CDH22: variants seen among roughly 807,000 people sequenced by gnomAD.
The protein encoded by CDH22 is cadherin 22.
Under a neutral mutation model 58.4 loss-of-function variants are expected in CDH22, and 30 were observed. The ratio of observed to expected loss-of-function variants is 0.51; its 90% CI spans 0.38 to 0.70. The LOEUF is 0.70. CDH22 is among the 30% of genes least tolerant of loss of function. CDH22 has a pLI of 0.00. For synonymous variants in CDH22, 513 were observed against 558.2 expected (o/e 0.92, Z 1.14); for missense variants, 1,014 against 1,233.9 (o/e 0.82, Z 2.67).
chr20:46,213,373 T>G (rs938623565), intron 5 of CDH22, among the ~76,000 whole-genome samples, 185 bp from the exon 6 acceptor site: 5 of 152,180 alleles, frequency 3.3e-5, no homozygotes, highest in Admixed American at 1.3e-4. Context: ...TGGGTGGCAG[T>G]GCAAAAGGAG....
intron 7 of CDH22, among the ~76,000 whole-genome samples, chr20:46,204,636 A>G (rs1210816879): frequency 6.6e-6 from 1 of 152,144 alleles, no homozygotes; most frequent in Non-Finnish European, 1.5e-5. Context: ...GAAGCCAGGT[A>G]TCTTGCCCTG....
chr20:46,189,216 C>G (rs2085846997), intron 8 of CDH22, among the ~76,000 whole-genome samples: 1 of 152,186 alleles, frequency 6.6e-6, no homozygotes, highest in South Asian at 2.1e-4. Flanking sequence ...ATCTTCTAAG[C>G]TCACCAGATC....
rs1191055789 is a variant in CDH22, at chr20:46,181,752, CTTCT to C, written c.1664-3559_1664-3556del. On this transcript the variant is annotated intron_variant, in intron 10 of 11. Coordinates refer to ENST00000537909, the MANE Select transcript of CDH22 (RefSeq NM_021248.3). The stretch of plus-strand genomic sequence containing the variant: ...CCTTCCTTCCTTCCTTCCTTCCTTC[CTTCT>C]TTCTTTCTTTCTTTCTTTCTTTCTT... 8.6e-3 allele frequency among the ~76,000 whole-genome samples: 225 copies of C among 26,238 alleles called. 2 individuals are homozygous for C. Among genetic ancestry groups the C allele is most frequent in the African/African-American group, 0.018 (139 of 7,828 alleles). The allele number at this position is 26,238 out of a possible 152,430, so 17.2% of individuals were successfully genotyped here. A position where few individuals can be genotyped will look rare whatever the true frequency, so the allele number is the denominator to read the frequency against.
At chr20:46,232,655 A>G (rs1395348787) in intron 3 of CDH22, among the ~76,000 whole-genome samples, 1 of 152,152 alleles carries the variant, frequency 6.6e-6, no homozygotes, top group Non-Finnish European at 1.5e-5. Context: ...TGCTGCTGCC[A>G]GCACTGTGCA....
chr20:46,227,594 G>A lies in CDH22; in HGVS notation c.584C>T (p.Ala195Val), dbSNP rs1284622908. The change falls in exon 4 of 12, where the codon GCG becomes GTG. Residue 195 changes from alanine (A) to valine (V), a missense_variant. Coordinates refer to ENST00000537909, the MANE Select transcript of CDH22 (RefSeq NM_021248.3). ...TSVMQVMASD[A>V]DDPTYGSSAR... The stretch of plus-strand genomic sequence containing the variant: ...GCTGCTGCCGTACGTGGGGTCATCC[G>A]CATCCGAGGCCATCACCTGCATCAC... The A allele has an allele frequency of 1.2e-6, 2 of 1,612,850 alleles. No individual in the cohort carries two copies. The highest frequency in any genetic ancestry group is 1.7e-6 in the Non-Finnish European group (2 of 1,179,722).
chr20:46,248,668 C>T (rs894383950), intron 2 of CDH22, among the ~76,000 whole-genome samples: 4 of 152,068 alleles, frequency 2.6e-5, no homozygotes, highest in Non-Finnish European at 4.4e-5. Context: ...ACTAAAAATA[C>T]AAAAATTAGC....
At chr20:46,271,479 CCCCTT>C (rs1436006200) in intron 1 of CDH22, among the ~76,000 whole-genome samples, 2 of 152,086 alleles carry the variant, frequency 1.3e-5, no homozygotes, top group African/African-American at 2.4e-5. Flanking sequence ...TACTCCCCAA[CCCCTT>C]CCCTTAATAG....
At chr20:46,266,029 GTC>G (rs145850923) in intron 1 of CDH22, among the ~76,000 whole-genome samples, 11,972 of 150,562 alleles carry the variant, frequency 0.08, 756 homozygotes, top group East Asian at 0.25. Context: ...CCCCCTCTGG[GTC>G]TCTCTCTCTC....
chr20:46,211,622 G>A (rs1241001075), intron 6 of CDH22, among the ~76,000 whole-genome samples: 1 of 152,188 alleles, frequency 6.6e-6, no homozygotes, highest in Non-Finnish European at 1.5e-5. Flanking sequence ...GGGAGATTAA[G>A]CAGCCCAGGG....
chr20:46,257,128 C>CA (rs1373538767), intron 1 of CDH22, among the ~76,000 whole-genome samples: 1 of 150,774 alleles, frequency 6.6e-6, no homozygotes, highest in African/African-American at 2.4e-5. Flanking sequence ...GGGAACATGG[C>CA]AAAACCCTGT....
At chr20:46,252,167 C>A (rs1247197327) in intron 1 of CDH22, among the ~76,000 whole-genome samples, 1 of 152,064 alleles carries the variant, frequency 6.6e-6, no homozygotes, top group African/African-American at 2.4e-5. Flanking sequence ...AATATGCCTG[C>A]CTTCCTATCC....
chr20:46,212,230 A>T (rs929765344), intron 6 of CDH22, among the ~76,000 whole-genome samples: 5 of 152,214 alleles, frequency 3.3e-5, no homozygotes, highest in African/African-American at 1.2e-4. Flanking sequence ...GGGAGGAAGA[A>T]GAGCTGGACA....
rs199806283 is a variant in CDH22, at chr20:46,225,495, AT to A, written c.670+2012del. Among the ~76,000 whole-genome samples the A allele has an allele frequency of 5.2e-3, 788 of 152,150 alleles. 13 individuals are homozygous for A. Among genetic ancestry groups the A allele is most frequent in the East Asian group, 0.02 (104 of 5,182 alleles). The stretch of plus-strand genomic sequence containing the variant: ...TATAGCTACCATTCATGTAAAAAAA[AT>A]AAATACATGTACCTTATTTTCTTGT... On this transcript the variant is annotated intron_variant, in intron 4 of 11. Transcript: ENST00000537909.
chr20:46,230,895 A>G (rs978008129), intron 3 of CDH22, among the ~76,000 whole-genome samples: 1 of 152,214 alleles, frequency 6.6e-6, no homozygotes, highest in Non-Finnish European at 1.5e-5. Context: ...GGAGAGAGGC[A>G]GGTTTCAAAC....
At chr20:46,179,366 G>A (rs1405638430) in intron 10 of CDH22, among the ~76,000 whole-genome samples, 2 of 152,120 alleles carry the variant, frequency 1.3e-5, no homozygotes, top group African/African-American at 4.8e-5. Context: ...ACCCTGCTTC[G>A]TGGCCCCAGT....
chr20:46,217,603 A>T (rs1267743283), intron 4 of CDH22, among the ~76,000 whole-genome samples: 1 of 152,056 alleles, frequency 6.6e-6, no homozygotes, highest in Admixed American at 6.6e-5. Flanking sequence ...GCCTATACAG[A>T]TCACCCACAC....
At chr20:46,207,859 A>G (rs185566312) in intron 7 of CDH22, among the ~76,000 whole-genome samples, 176 of 152,336 alleles carry the variant, frequency 1.2e-3, no homozygotes, top group African/African-American at 4.2e-3. Context: ...TGCCTCCTTC[A>G]GAAGTCTTCC....
At chr20:46,307,342 G>A (rs117296001) in intron 1 of CDH22, among the ~76,000 whole-genome samples, 55 of 152,352 alleles carry the variant, frequency 3.6e-4, no homozygotes, top group Non-Finnish European at 6.9e-4. Flanking sequence ...GCGGGGAGGC[G>A]CGAGCGAGAC....
intron 7 of CDH22, among the ~76,000 whole-genome samples, chr20:46,207,616 C>T (rs1022678083): frequency 6.6e-6 from 1 of 152,168 alleles, no homozygotes; most frequent in Non-Finnish European, 1.5e-5. Flanking sequence ...GTAGCGTGGG[C>T]ATTCTCGGCT....
Sources: allele counts gnomAD v4.1 joint callset (sites outside exome capture counted in the v4.1 genomes callset), GRCh38; gene constraint gnomAD v4.1.1; transcripts MANE v1.5; gene names NCBI Gene and HGNC (gene_info 2026-07-23, HGNC 2026-07-21).